Variants in TOX observed in about 807,000 individuals in gnomAD.
The protein encoded by TOX is thymocyte selection associated high mobility group box, also known as thymocyte selection-associated high mobility group box protein TOX.
A neutral mutation model predicts 53.7 loss-of-function variants in TOX; 11 were observed. The observed-to-expected ratio is 0.20, with a 90% CI of 0.13 to 0.34. The LOEUF (loss-of-function observed/expected upper bound fraction) is 0.34, where lower values mean the gene tolerates loss of function less well. TOX is among the 10% of genes least tolerant of loss of function. TOX has a pLI of 1.00. For synonymous variants in TOX, 225 were observed against 245.3 expected (o/e 0.92, Z 0.77); for missense variants, 570 against 664.6 (o/e 0.86, Z 1.56).
chr8:59,044,417 C>T (rs1296085842), intron 1 of TOX, among the ~76,000 whole-genome samples: 2 of 152,132 alleles, frequency 1.3e-5, no homozygotes, highest in Non-Finnish European at 2.9e-5. Flanking sequence ...AACAAGATTT[C>T]CCACCTGTCC....
chr8:59,041,228 T>C (rs1466521021), intron 1 of TOX, among the ~76,000 whole-genome samples: 2 of 152,120 alleles, frequency 1.3e-5, no homozygotes, highest in Non-Finnish European at 2.9e-5. Flanking sequence ...ATTTAATTGA[T>C]GGGTTGATTT....
chr8:58,982,033 C>G (rs1025863714), intron 1 of TOX, among the ~76,000 whole-genome samples: 3 of 151,994 alleles, frequency 2.0e-5, no homozygotes, highest in South Asian at 4.1e-4. Context: ...ACTGAAGTTA[C>G]TAATTTCTCT....
intron 1 of TOX, among the ~76,000 whole-genome samples, chr8:58,980,731 G>C (rs1337480143): frequency 6.6e-6 from 1 of 151,948 alleles, no homozygotes; most frequent in Non-Finnish European, 1.5e-5. Flanking sequence ...ATTTGGATCT[G>C]CCCTTCTTCA....
chr8:58,879,462 C>G (rs1024259645), intron 3 of TOX, among the ~76,000 whole-genome samples: 3 of 152,144 alleles, frequency 2.0e-5, no homozygotes, highest in African/African-American at 7.2e-5. Context: ...CTCCTTAATT[C>G]CTACTTAAGG....
intron 1 of TOX, among the ~76,000 whole-genome samples, chr8:58,976,346 A>G (rs1813100068): frequency 6.6e-6 from 1 of 152,380 alleles, no homozygotes; most frequent in East Asian, 1.9e-4. Context: ...AAGACTCCTC[A>G]TCCATTAAAA....
At chr8:59,038,383 T>C (rs1585979794) in intron 1 of TOX, among the ~76,000 whole-genome samples, 1 of 152,188 alleles carries the variant, frequency 6.6e-6, no homozygotes, top group African/African-American at 2.4e-5. Context: ...CAGTTAGGTT[T>C]GGTTTGGTTT....
intron 1 of TOX, among the ~76,000 whole-genome samples, chr8:59,037,175 T>TA (rs1460755732): frequency 6.6e-6 from 1 of 152,010 alleles, no homozygotes; most frequent in Non-Finnish European, 1.5e-5. Context: ...TCCTTTTTTT[T>TA]TTTTTCACTT....
chr8:58,853,406 T>C (rs1810859070), intron 3 of TOX, among the ~76,000 whole-genome samples: 1 of 152,170 alleles, frequency 6.6e-6, no homozygotes, highest in Admixed American at 6.6e-5. Flanking sequence ...CAAAGGCTCT[T>C]GGTGACACTG....
chr8:58,947,787 T>C (rs1479311153), intron 2 of TOX, among the ~76,000 whole-genome samples: 1 of 152,230 alleles, frequency 6.6e-6, no homozygotes, highest in African/African-American at 2.4e-5. Context: ...TACACTGATA[T>C]CAGGGCCTAA....
chr8:58,959,033 G>T (rs1225543368), intron 2 of TOX, among the ~76,000 whole-genome samples: 2 of 152,162 alleles, frequency 1.3e-5, no homozygotes, highest in Non-Finnish European at 2.9e-5. Flanking sequence ...TGTAGGCATT[G>T]AACATTACTA....
chr8:58,981,866 T>TC (rs1357194166), intron 1 of TOX, among the ~76,000 whole-genome samples: 2 of 152,296 alleles, frequency 1.3e-5, no homozygotes, highest in African/African-American at 4.8e-5. Context: ...CTCAACTGTA[T>TC]CCCTCCTGGT....
intron 1 of TOX, among the ~76,000 whole-genome samples, chr8:59,033,686 T>C (rs1017495685): frequency 6.6e-6 from 1 of 152,200 alleles, no homozygotes; most frequent in Non-Finnish European, 1.5e-5. Flanking sequence ...AAAGTGGTCT[T>C]AGTCGAATTG....
At chr8:58,906,486 C>T (rs150675799) in intron 3 of TOX, among the ~76,000 whole-genome samples, 3 of 152,258 alleles carry the variant, frequency 2.0e-5, no homozygotes, top group African/African-American at 7.2e-5. Context: ...TTTAATAACA[C>T]CATCTGATTA....
At chr8:58,905,594 C>T (rs1424550047) in intron 3 of TOX, among the ~76,000 whole-genome samples, 8 of 152,134 alleles carry the variant, frequency 5.3e-5, no homozygotes, top group South Asian at 2.1e-4. Flanking sequence ...AACACTAGGC[C>T]GAAAAGTCCT....
intron 3 of TOX, among the ~76,000 whole-genome samples, chr8:58,866,426 A>AAGG (rs1811102852): frequency 6.6e-6 from 1 of 152,246 alleles, no homozygotes; most frequent in Non-Finnish European, 1.5e-5. Context: ...AATAAAAAAT[A>AAGG]GCAGCATTAT....
intron 1 of TOX, among the ~76,000 whole-genome samples, chr8:59,080,627 G>A (rs781159605): frequency 7.2e-5 from 11 of 152,146 alleles, no homozygotes; most frequent in East Asian, 1.9e-4. Context: ...GGGACCTGGC[G>A]GGAGGTGTTT....
At chr8:58,893,434 C>T (rs1811591536) in intron 3 of TOX, among the ~76,000 whole-genome samples, 1 of 152,140 alleles carries the variant, frequency 6.6e-6, no homozygotes, top group African/African-American at 2.4e-5. Flanking sequence ...GAGTAACATG[C>T]ACCACATTAT....
intron 3 of TOX, among the ~76,000 whole-genome samples, chr8:58,867,890 G>A (rs1811130413): frequency 6.6e-6 from 1 of 152,174 alleles, no homozygotes; most frequent in African/African-American, 2.4e-5. Context: ...AAATTAGGAT[G>A]TAGGCACTGA....
rs559760616 is a variant in TOX at position 59,117,510 on chromosome 8, G to A, written c.102+1376C>T. On this transcript the variant is annotated intron_variant, in intron 1 of 8. Coordinates refer to ENST00000361421, the MANE Select transcript of TOX (RefSeq NM_014729.3). This position sits in a 1 kb window ranked among gnomAD's most constrained non-coding sequence, Gnocchi z 4.6. ...TGGGTCTCACACTGGACACAGCATC[G>A]AGGAGCTTCTCCACGGGGAAGTGTG... Among the ~76,000 whole-genome samples the A allele has an allele frequency of 2.6e-5, 4 of 152,342 alleles. No individual in the cohort carries two copies. The highest frequency in any genetic ancestry group is 1.9e-4 in the East Asian group (1 of 5,190).
Sources: allele counts gnomAD v4.1 joint callset (sites outside exome capture counted in the v4.1 genomes callset), GRCh38; gene constraint gnomAD v4.1.1; non-coding constraint Gnocchi (gnomAD v3.1); transcripts MANE v1.5; gene names NCBI Gene and HGNC (gene_info 2026-07-23, HGNC 2026-07-21).